The following FGGY variants were observed in gnomAD, a reference collection of about 807,000 sequenced individuals.
FGGY encodes the protein FGGY carbohydrate kinase domain-containing protein.
FGGY carries 72 observed loss-of-function variants against 71.3 expected under a neutral mutation model. That is an observed-to-expected ratio of 1.01 (90% confidence interval 0.84 to 1.23). The LOEUF is 1.23. Among genes scored for constraint, FGGY ranks in the 50% most tolerant of loss-of-function variants. The pLI is 0.00. For synonymous variants in FGGY, 251 were observed against 250.3 expected, an observed-to-expected ratio of 1.00 and a Z score of -0.02; for missense variants, 668 against 682.3, an observed-to-expected ratio of 0.98 and a Z score of 0.23.
At chr1:59,353,343 T>C (rs1314222381) in intron 4 of FGGY, among the ~76,000 whole-genome samples, 1 of 152,232 alleles carries the variant, frequency 6.6e-6, no homozygotes, top group Non-Finnish European at 1.5e-5. Flanking sequence ...CTAACTGAGA[T>C]AATTTTAAAG....
Position 59,655,048 on chromosome 1 carries a change from C to T in FGGY, c.1222-5171C>T, listed in dbSNP as rs955687984. Among the ~76,000 whole-genome samples the T allele has an allele frequency of 3.3e-5, 5 of 151,944 alleles. No individual in the cohort carries two copies. The South Asian group carries it at 8.3e-4, about 25-fold the overall frequency. ...TGTACCTTTAACATTATGGTCCCAG[C>T]GCTGATGAGCAACTTCTGCCCTGGC... On this transcript the variant is annotated intron_variant, in intron 11 of 15. Transcript: ENST00000303721.
intron 14 of FGGY, among the ~76,000 whole-genome samples, chr1:59,676,162 C>T (rs938161867): frequency 6.6e-6 from 1 of 151,948 alleles, no homozygotes; most frequent in Non-Finnish European, 1.5e-5. Context: ...GATAAGACAC[C>T]TCATTTAATC....
chr1:59,585,728 C>G (rs1384437721), intron 8 of FGGY, among the ~76,000 whole-genome samples: 8 of 152,170 alleles, frequency 5.3e-5, no homozygotes, highest in Non-Finnish European at 7.3e-5. Context: ...TCAGGGTGAA[C>G]AGGCAACCTA....
intron 14 of FGGY, among the ~76,000 whole-genome samples, chr1:59,691,073 C>T (rs1441353775): frequency 2.6e-5 from 4 of 152,156 alleles, no homozygotes; most frequent in African/African-American, 9.7e-5. Context: ...AGCAGTGGAA[C>T]CTTTGGGAGG....
At chr1:59,491,339 A>G (rs2093855609) in intron 6 of FGGY, among the ~76,000 whole-genome samples, 3 of 151,482 alleles carry the variant, frequency 2.0e-5, no homozygotes, top group East Asian at 1.9e-4. Context: ...AATATTAATT[A>G]TTCTGATGCA....
chr1:59,615,295 A>C (rs1415421590), intron 9 of FGGY, among the ~76,000 whole-genome samples: 4 of 152,206 alleles, frequency 2.6e-5, no homozygotes, highest in Non-Finnish European at 5.9e-5. Flanking sequence ...CTGGTATCAT[A>C]ACAGAGATAT....
At chr1:59,385,436 C>T (rs1214308804) in intron 5 of FGGY, among the ~76,000 whole-genome samples, 1 of 152,128 alleles carries the variant, frequency 6.6e-6, no homozygotes, top group Non-Finnish European at 1.5e-5. Flanking sequence ...CAAATGTTAA[C>T]TCTGTTAGTC....
At chr1:59,321,220 A>C (rs760549695) in intron 1 of FGGY, among the ~76,000 whole-genome samples, 1 of 152,172 alleles carries the variant, frequency 6.6e-6, no homozygotes, top group South Asian at 2.1e-4. Flanking sequence ...TCCAGATTCT[A>C]AGTTCTCCTA....
chr1:59,476,677 A>G (rs2093279592), intron 6 of FGGY, among the ~76,000 whole-genome samples: 2 of 152,270 alleles, frequency 1.3e-5, no homozygotes, highest in Admixed American at 1.3e-4. Context: ...GCAGTTGAGC[A>G]GTTTTGGGTT....
chr1:59,656,439 C>G (rs1053239714), intron 11 of FGGY, among the ~76,000 whole-genome samples: 2 of 152,222 alleles, frequency 1.3e-5, no homozygotes, highest in Non-Finnish European at 2.9e-5. Flanking sequence ...TGTAGCCTCT[C>G]AAGCAGTCTT....
At chr1:59,690,647 A>C (rs1484386324) in intron 14 of FGGY, among the ~76,000 whole-genome samples, 2 of 152,184 alleles carry the variant, frequency 1.3e-5, no homozygotes, top group Non-Finnish European at 2.9e-5. Context: ...CTTAGCCAGT[A>C]GTCAGTGCTG....
chr1:59,351,993 CT>C (rs1327370995), intron 4 of FGGY, among the ~76,000 whole-genome samples: 25 of 152,268 alleles, frequency 1.6e-4, no homozygotes, highest in African/African-American at 5.8e-4. Context: ...TAATCATGTC[CT>C]TTTCATTTAA....
intron 14 of FGGY, among the ~76,000 whole-genome samples, chr1:59,711,441 T>TA (rs774133547): frequency 6.6e-6 from 1 of 152,092 alleles, no homozygotes; most frequent in Non-Finnish European, 1.5e-5. Context: ...AAGTATAATT[T>TA]AAAAAACAAC....
At chr1:59,485,714 CTATCAT>C (rs2093638320) in intron 6 of FGGY, among the ~76,000 whole-genome samples, 1 of 152,142 alleles carries the variant, frequency 6.6e-6, no homozygotes, top group Non-Finnish European at 1.5e-5. Flanking sequence ...GTAAGTTTAG[CTATCAT>C]TATTGAGCAC....
At chr1:59,469,201 A>G (rs2092811118) in intron 6 of FGGY, among the ~76,000 whole-genome samples, 1 of 152,228 alleles carries the variant, frequency 6.6e-6, no homozygotes, top group African/African-American at 2.4e-5. Context: ...CAGGTGGCTC[A>G]AGAAGAAAGT....
At chr1:59,707,524 G>A (rs1443675471) in intron 14 of FGGY, among the ~76,000 whole-genome samples, 1 of 152,196 alleles carries the variant, frequency 6.6e-6, no homozygotes, top group Non-Finnish European at 1.5e-5. Flanking sequence ...AGACAAGAGA[G>A]TGTTTTCAGC....
chr1:59,540,426 G>A (rs2095422504), intron 7 of FGGY, among the ~76,000 whole-genome samples: 1 of 152,304 alleles, frequency 6.6e-6, no homozygotes, highest in South Asian at 2.1e-4. Context: ...ATTGCTACAT[G>A]CAGCAGTGTG....
chr1:59,584,533 C>G lies in FGGY; in HGVS notation c.904-23270C>G, dbSNP rs370895183. On this transcript the variant is annotated intron_variant, in intron 8 of 15. Coordinates refer to ENST00000303721, the MANE Select transcript of FGGY (RefSeq NM_018291.5). The stretch of plus-strand genomic sequence containing the variant: ...TGGGACGTATCTCAAAATAATAAGA[C>G]CTATCTATGACAAACCCACAGCCAA... Among the ~76,000 whole-genome samples, 23 of 149,726 alleles carry G rather than the reference C, an allele frequency of 1.5e-4. 1 individual carries two copies. The highest frequency in any genetic ancestry group is 2.5e-4 in the Non-Finnish European group (17 of 67,846).
At chr1:59,416,955 T>A (rs2064549081) in intron 5 of FGGY, among the ~76,000 whole-genome samples, 3 of 152,214 alleles carry the variant, frequency 2.0e-5, no homozygotes, top group Non-Finnish European at 1.5e-5. Context: ...TATTTAAATT[T>A]TTTTAGAGAG....
Sources: gnomAD v4.1 joint callset for allele counts (sites outside exome capture counted in the v4.1 genomes callset) on GRCh38, gnomAD v4.1.1 for gene constraint, MANE v1.5 for transcripts, NCBI Gene and HGNC (gene_info 2026-07-23, HGNC 2026-07-21) for gene names.